The following COBLL1 variants were observed in gnomAD, a reference collection of about 807,000 sequenced individuals.
COBLL1 encodes cordon-bleu protein-like 1.
In COBLL1, 50 loss-of-function variants were observed where a neutral mutation model predicts 94.8. That is an observed-to-expected ratio of 0.53 (90% confidence interval 0.42 to 0.67). COBLL1 has a LOEUF of 0.67. Among genes scored for constraint, COBLL1 ranks in the 30% least tolerant of loss-of-function variants. COBLL1 has a pLI of 0.00. For synonymous variants in COBLL1, 448 were observed against 473.8 expected (o/e 0.95, Z 0.71); for missense variants, 1,362 against 1,348.7 (o/e 1.01, Z -0.15).
At chr2:164,661,204 C>T (rs1336004987) in intron 2 of COBLL1, among the ~76,000 whole-genome samples, 1 of 151,140 alleles carries the variant, frequency 6.6e-6, no homozygotes, top group Non-Finnish European at 1.5e-5. Flanking sequence ...TTTTTGGAGA[C>T]TCTATAACTC....
At chr2:164,807,860 C>T (rs1684256764) in intron 2 of COBLL1, among the ~76,000 whole-genome samples, 1 of 152,046 alleles carries the variant, frequency 6.6e-6, no homozygotes, top group African/African-American at 2.4e-5. Flanking sequence ...CTCGTTGTCA[C>T]CTAGGCTGAA....
chr2:164,784,871 T>A (rs1190140479), intron 2 of COBLL1, among the ~76,000 whole-genome samples: 1 of 152,166 alleles, frequency 6.6e-6, no homozygotes, highest in Non-Finnish European at 1.5e-5. Context: ...TGCTATGGTT[T>A]GACTGTGTCC....
In COBLL1 at chr2:164,683,866, G is replaced by A. The variant is rs1369431356; in HGVS notation, c.*2080C>T. ...TATGAATATATGCATTACTAAAGCTGAGCACGGGTTAGGACCCCTTTCTGC... is the reference window on the plus strand; with the variant it reads ...TATGAATATATGCATTACTAAAGCTAAGCACGGGTTAGGACCCCTTTCTGC... On this transcript the variant is annotated 3_prime_UTR_variant, in exon 14 of 14. Transcript: ENST00000652658. 1 of 152,132 alleles carries A rather than the reference G, an allele frequency of 6.6e-6. No individual in the cohort carries two copies. The highest frequency in any genetic ancestry group is 1.5e-5 in the Non-Finnish European group (1 of 68,022). The allele number at this position is 152,132 out of a possible 1,614,324, so 9.4% of individuals were successfully genotyped here. A position where few individuals can be genotyped will look rare whatever the true frequency, so the allele number is the denominator to read the frequency against.
chr2:164,731,419 T>C (rs1282848619), intron 3 of COBLL1, among the ~76,000 whole-genome samples: 1 of 152,216 alleles, frequency 6.6e-6, no homozygotes, highest in East Asian at 1.9e-4. Context: ...TAGATTCTCA[T>C]TGTTGACACA....
At chr2:164,740,289 G>A (rs1320917300) in intron 3 of COBLL1, among the ~76,000 whole-genome samples, 3 of 152,054 alleles carry the variant, frequency 2.0e-5, no homozygotes, top group Non-Finnish European at 2.9e-5. Flanking sequence ...CTTGAGTCTG[G>A]GAGGCAGAAG....
At chr2:164,838,905 T>C (rs749321442) in intron 2 of COBLL1, among the ~76,000 whole-genome samples, 15 of 152,168 alleles carry the variant, frequency 9.9e-5, no homozygotes, top group Non-Finnish European at 1.5e-4. Context: ...CAAATACCCT[T>C]ATCTAGATAT....
At position 164,684,453 on chromosome 2, in the gene COBLL1, T is replaced by C. The variant is rs1435390415; in HGVS notation, c.*1493A>G. 2 of 152,166 alleles carry C rather than the reference T, an allele frequency of 1.3e-5. No individual in the cohort carries two copies. The highest frequency in any genetic ancestry group is 3.2e-3 in the Middle Eastern group (1 of 316). 9.4% of individuals were successfully genotyped at this position (152,166 alleles called of 1,614,324 possible). On this transcript the variant is annotated 3_prime_UTR_variant, in exon 14 of 14. Transcript: ENST00000652658. The stretch of plus-strand genomic sequence containing the variant: ...AAAAAAAATTCACTCCTTTCTCTAC[T>C]TGCTTATAACAACATAACTTAAGTA...
At chr2:164,738,900 G>T (rs559259851) in intron 3 of COBLL1, among the ~76,000 whole-genome samples, 166 of 152,156 alleles carry the variant, frequency 1.1e-3, no homozygotes, top group Admixed American at 2.4e-3. Context: ...ATACACAGAC[G>T]CACACATTTA....
chr2:164,753,747 T>TC (rs1687247215), intron 2 of COBLL1, among the ~76,000 whole-genome samples: 1 of 151,590 alleles, frequency 6.6e-6, no homozygotes, highest in Non-Finnish European at 1.5e-5. Flanking sequence ...GAATTTTTTT[T>TC]TTTTTTTTTT....
intron 3 of COBLL1, among the ~76,000 whole-genome samples, chr2:164,735,565 G>C (rs1686256396): frequency 6.6e-6 from 1 of 151,846 alleles, no homozygotes; most frequent in African/African-American, 2.4e-5. Context: ...CCATAAAGGA[G>C]TCATAACACT....
chr2:164,804,364 G>A lies in COBLL1; in HGVS notation c.41+36792C>T, dbSNP rs140283996. Among the ~76,000 whole-genome samples, 56 of 151,980 alleles carry A rather than the reference G, an allele frequency of 3.7e-4. 1 individual carries two copies. The East Asian group carries it at 7.2e-3, about 19-fold the overall frequency. On this transcript the variant is annotated intron_variant, in intron 2 of 13. Coordinates refer to ENST00000652658, the MANE Select transcript of COBLL1 (RefSeq NM_001365672.2). ...ATAACATGTGCTGCTGTATTCATGC[G>A]TGCTTTTTTTAAAAATGAAAATGAA...
intron 7 of COBLL1, 78 bp downstream of exon 7, chr2:164,721,997 A>C (rs1404458731): frequency 3.6e-6 from 4 of 1,102,874 alleles, no homozygotes; most frequent in Non-Finnish European, 5.3e-6. Flanking sequence ...TCTACCTAGA[A>C]AAGATGTTAG....
In COBLL1 at chr2:164,699,419, G is replaced by A. The variant is rs1354897925; in HGVS notation, c.1541C>T (p.Pro514Leu). The change falls in exon 11 of 14, where the codon CCA (proline) becomes CTA (leucine). Residue 514 changes from proline to leucine, a missense_variant. Coordinates refer to ENST00000652658, the MANE Select transcript of COBLL1 (RefSeq NM_001365672.2). ...DSIRNLKSLG[P>L]NQENVVQNEI... ...ATATAACTCACCATTCTCTTGGTTT[G>A]GGCCCAACGACTTCAAGTTTCTTAT... The A allele has an allele frequency of 1.2e-5, 19 of 1,606,704 alleles. No homozygotes were observed. Among genetic ancestry groups the A allele is most frequent in the Non-Finnish European group, 1.5e-5 (18 of 1,173,606 alleles).
rs181411002 is a variant in COBLL1, at chr2:164,764,913, T to A, written c.42-21038A>T. On this transcript the variant is annotated intron_variant, in intron 2 of 13. Coordinates refer to ENST00000652658, the MANE Select transcript of COBLL1 (RefSeq NM_001365672.2). The stretch of plus-strand genomic sequence containing the variant: ...AGGGAAAGAATCAATCAAGCATTTA[T>A]ACTGCCTGAAATACAGTTCATACAG... Among the ~76,000 whole-genome samples, 919 of 152,322 alleles carry A rather than the reference T, an allele frequency of 6.0e-3. 6 individuals carry two copies. Among genetic ancestry groups the A allele is most frequent in the Non-Finnish European group, 9.2e-3 (624 of 68,036 alleles).
intron 1 of COBLL1, among the ~76,000 whole-genome samples, chr2:164,671,410 T>C (rs959829286): frequency 6.6e-6 from 1 of 152,066 alleles, no homozygotes; most frequent in Non-Finnish European, 1.5e-5. Context: ...CAAGGCAAAA[T>C]TTCATTTAGC....
chr2:164,840,953 AC>A, intron 2 of COBLL1: 1 of 457,934 alleles, frequency 2.2e-6, no homozygotes. Flanking sequence ...TAGGAAGGCA[AC>A]CAAAAACGAC....
chr2:164,702,608 T>C (rs1684362209), intron 9 of COBLL1, among the ~76,000 whole-genome samples: 1 of 151,162 alleles, frequency 6.6e-6, no homozygotes, highest in African/African-American at 2.4e-5. Flanking sequence ...AAACTCTGTA[T>C]TGAAAAAAAA....
At chr2:164,722,398 C>T (rs1164235728) in intron 6 of COBLL1, 27 bp downstream of exon 6, 3 of 1,494,536 alleles carry the variant, frequency 2.0e-6, no homozygotes, top group Non-Finnish European at 9.1e-7. Context: ...AAGAATCTTA[C>T]AAAATGCAAT....
At chr2:164,722,576 C>T in intron 5 of COBLL1, 54 bp from the exon 6 acceptor site, 2 of 972,060 alleles carry the variant, frequency 2.1e-6, no homozygotes, top group Non-Finnish European at 1.5e-6. Context: ...CTGTTCACTT[C>T]CAAGATTTCT....
Sources: allele counts gnomAD v4.1 joint callset (sites outside exome capture counted in the v4.1 genomes callset), GRCh38; gene constraint gnomAD v4.1.1; transcripts MANE v1.5; gene names NCBI Gene and HGNC (gene_info 2026-07-23, HGNC 2026-07-21).